The following TRAF3IP3 variants were observed in gnomAD, a reference collection of about 807,000 sequenced individuals.
TRAF3IP3 encodes the protein TRAF3 interacting protein 3.
Under a neutral mutation model 86.5 loss-of-function variants are expected in TRAF3IP3, and 64 were observed. That is an observed-to-expected ratio of 0.74 (90% CI 0.60 to 0.91). The LOEUF (loss-of-function observed/expected upper bound fraction) is 0.91, where lower values mean the gene tolerates loss of function less well. Among genes scored for constraint, TRAF3IP3 ranks in the 40% least tolerant of loss-of-function variants. TRAF3IP3 has a pLI of 0.00. For synonymous variants in TRAF3IP3, 220 were observed against 243.9 expected, an observed-to-expected ratio of 0.90 and a Z score of 0.91; for missense variants, 579 against 642.9, an observed-to-expected ratio of 0.90 and a Z score of 1.07.
intron 3 of TRAF3IP3, among the ~76,000 whole-genome samples, chr1:209,761,188 A>C (rs964654627): frequency 2.0e-5 from 3 of 152,252 alleles, no homozygotes; most frequent in Non-Finnish European, 2.9e-5. Flanking sequence ...CTCTTGTGTC[A>C]TTCCAATTCT....
intron 8 of TRAF3IP3, among the ~76,000 whole-genome samples, chr1:209,769,995 G>C (rs564780280): frequency 3.3e-5 from 5 of 152,132 alleles, no homozygotes; most frequent in Non-Finnish European, 7.4e-5. Flanking sequence ...TGGGCAAAAG[G>C]GGCAAGTCTA....
intron 8 of TRAF3IP3, among the ~76,000 whole-genome samples, chr1:209,771,555 G>A (rs1349181513): frequency 2.8e-5 from 4 of 145,426 alleles, no homozygotes; most frequent in African/African-American, 5.1e-5. Flanking sequence ...GCAGGTGGAG[G>A]TGTATGTGTG....
At chr1:209,763,742 C>G (rs1438990297) in intron 8 of TRAF3IP3, among the ~76,000 whole-genome samples, 155 bp downstream of exon 8, 1 of 152,112 alleles carries the variant, frequency 6.6e-6, no homozygotes, top group Non-Finnish European at 1.5e-5. Flanking sequence ...GTGCTCAGAC[C>G]TAGAAGTCAA....
intron 9 of TRAF3IP3, among the ~76,000 whole-genome samples, chr1:209,775,065 T>C (rs189349143): frequency 6.6e-6 from 1 of 152,178 alleles, no homozygotes; most frequent in Admixed American, 6.5e-5. Flanking sequence ...AAGAACATGT[T>C]TAGAAAGATG....
At chr1:209,781,941 C>T in intron 16 of TRAF3IP3, 115 bp from the exon 17 acceptor site, 2 of 797,574 alleles carry the variant, frequency 2.5e-6, no homozygotes, top group East Asian at 2.6e-5. Context: ...AGCTTTTTCT[C>T]CACCACCAAC....
intron 3 of TRAF3IP3, among the ~76,000 whole-genome samples, chr1:209,761,452 C>T (rs2077243092): frequency 6.6e-6 from 1 of 152,166 alleles, no homozygotes; most frequent in Non-Finnish European, 1.5e-5. Context: ...CCACTATGTT[C>T]CATGGTAATG....
chr1:209,777,305 C>T, intron 11 of TRAF3IP3, 47 bp from the exon 12 acceptor site: 1 of 1,567,556 alleles, frequency 6.4e-7, no homozygotes, highest in Non-Finnish European at 8.7e-7. Flanking sequence ...CCAACCTCCA[C>T]CCCAACACTG....
At chr1:209,768,503 C>T (rs1204742381) in intron 8 of TRAF3IP3, 41 of 985,438 alleles carry the variant, frequency 4.2e-5, no homozygotes, top group East Asian at 1.1e-4. Context: ...GACAGCGCAG[C>T]GGGGATTGGC....
intron 3 of TRAF3IP3, among the ~76,000 whole-genome samples, chr1:209,761,969 A>C (rs978137956): frequency 4.6e-5 from 7 of 152,284 alleles, no homozygotes; most frequent in Non-Finnish European, 8.8e-5. Context: ...CATTTCTGCC[A>C]GTCAGGACAA....
chr1:209,765,518 T>A (rs2077340859), intron 8 of TRAF3IP3, among the ~76,000 whole-genome samples: 1 of 151,898 alleles, frequency 6.6e-6, no homozygotes, highest in Non-Finnish European at 1.5e-5. Flanking sequence ...ATACAAAAAA[T>A]TAGCCAGGTA....
At chr1:209,762,391 G>C (rs574423346) in intron 3 of TRAF3IP3, 124 bp from the exon 4 acceptor site, 4 of 938,240 alleles carry the variant, frequency 4.3e-6, no homozygotes, top group Non-Finnish European at 5.8e-6. Context: ...AGATTTGGGC[G>C]GGGGGACAAT....
intron 5 of TRAF3IP3, 34 bp from the exon 6 acceptor site, chr1:209,763,034 C>A: frequency 6.2e-7 from 1 of 1,612,312 alleles, no homozygotes. Context: ...TTCTTTGGTC[C>A]ATTATCATTA....
chr1:209,779,759 A>C (rs1194395783), intron 14 of TRAF3IP3: 6 of 521,068 alleles, frequency 1.2e-5, no homozygotes, highest in Non-Finnish European at 2.0e-5. Context: ...AGCCCTAGAG[A>C]GTCTACTGTC....
rs892681940 is a variant in TRAF3IP3, at chr1:209,764,659, G to A, written c.702+1072G>A. ...CTCAGGAGGCTGAGGCAGGAGAATC[G>A]CTTGAACCAAGAAGGCAGAGGTTGC... On this transcript the variant is annotated intron_variant, in intron 8 of 16. Coordinates refer to ENST00000367025, the MANE Select transcript of TRAF3IP3 (RefSeq NM_025228.4). Among the ~76,000 whole-genome samples the A allele has an allele frequency of 5.3e-5, 8 of 149,762 alleles. No homozygotes were observed. The East Asian group carries it at 5.9e-4, about 11-fold the overall frequency.
At chr1:209,781,863 T>G (rs1268459896) in intron 16 of TRAF3IP3, 193 bp from the exon 17 acceptor site, 1 of 581,798 alleles carries the variant, frequency 1.7e-6, no homozygotes, top group African/African-American at 1.9e-5. Flanking sequence ...TACGGCTCCC[T>G]GGGCCAGAGA....
intron 8 of TRAF3IP3, among the ~76,000 whole-genome samples, chr1:209,765,870 G>C (rs1558013790): frequency 6.6e-6 from 1 of 152,184 alleles, no homozygotes; most frequent in Non-Finnish European, 1.5e-5. Flanking sequence ...GAAAAAGTAA[G>C]ACTTTGCTGA....
intron 11 of TRAF3IP3, chr1:209,776,682 G>GA (rs756799804): frequency 2.0e-5 from 3 of 151,026 alleles, no homozygotes; most frequent in Non-Finnish European, 4.4e-5. Flanking sequence ...GCCAGAAGTA[G>GA]AAAAAAGAGA....
chr1:209,780,627 A>G, intron 15 of TRAF3IP3, 21 bp downstream of exon 15: 2 of 1,528,308 alleles, frequency 1.3e-6, no homozygotes, highest in South Asian at 1.2e-5. Flanking sequence ...GACCTGAGAT[A>G]GTGAGGGCTC....
At chr1:209,764,239 C>G (rs780256815) in intron 8 of TRAF3IP3, among the ~76,000 whole-genome samples, 10 of 152,248 alleles carry the variant, frequency 6.6e-5, no homozygotes, top group Non-Finnish European at 1.0e-4. Flanking sequence ...AGGGTTCTTG[C>G]TTTGAGAAGG....
Sources: allele counts gnomAD v4.1 joint callset (sites outside exome capture counted in the v4.1 genomes callset), GRCh38; gene constraint gnomAD v4.1.1; transcripts MANE v1.5; gene names NCBI Gene and HGNC (gene_info 2026-07-23, HGNC 2026-07-21).